The following TUSC3 variants were observed in gnomAD, a reference collection of about 807,000 sequenced individuals.
The protein encoded by TUSC3 is tumor suppressor candidate 3, also known as dolichyl-diphosphooligosaccharide--protein glycosyltransferase subunit TUSC3.
In TUSC3, 45 loss-of-function variants were observed where a neutral mutation model predicts 44.8. The observed-to-expected ratio is 1.00, with a 90% CI of 0.79 to 1.29. The LOEUF is 1.29. TUSC3 is among the 50% of genes most tolerant of loss of function. TUSC3 has a pLI of 0.00. For synonymous variants in TUSC3, 212 were observed against 152.9 expected (o/e 1.39, Z -2.85); for missense variants, 519 against 437.9 (o/e 1.19, Z -1.65).
At chr8:15,483,807 C>T (rs1481202330) in intron 2 of TUSC3, among the ~76,000 whole-genome samples, 2 of 151,830 alleles carry the variant, frequency 1.3e-5, no homozygotes, top group Non-Finnish European at 2.9e-5. Flanking sequence ...AGGCGCCAGC[C>T]ACAATGCCCG....
the TUSC3 span, among the ~76,000 whole-genome samples, chr8:15,826,053 T>G: frequency 6.6e-6 from 1 of 152,136 alleles, no homozygotes; most frequent in Non-Finnish European, 1.5e-5. Flanking sequence ...TTTTCCATGT[T>G]ACTTTGTATT....
At chr8:15,606,762 T>C (rs1178127720) in intron 1 of TUSC3, among the ~76,000 whole-genome samples, 1 of 152,084 alleles carries the variant, frequency 6.6e-6, no homozygotes, top group Non-Finnish European at 1.5e-5. Context: ...GATAAATTCC[T>C]AGAAATGGCA....
chr8:15,728,058 G>A lies in TUSC3; in HGVS notation c.799-2608G>A, dbSNP rs187805740. On this transcript the variant is annotated intron_variant, in intron 6 of 10. Coordinates refer to ENST00000503731, the MANE Select transcript of TUSC3 (RefSeq NM_006765.4). ...TGAAATAAGTCTCTAAGGACAAAGT[G>A]TGATTTATTTTAACCTGGCTGCATT... 2.1e-4 allele frequency among the ~76,000 whole-genome samples: 32 copies of A among 152,240 alleles called. No homozygotes were observed. The East Asian group carries it at 5.6e-3, about 27-fold the overall frequency.
At chr8:15,740,401 T>G (rs1172078680) in intron 7 of TUSC3, among the ~76,000 whole-genome samples, 1 of 151,744 alleles carries the variant, frequency 6.6e-6, no homozygotes, top group Non-Finnish European at 1.5e-5. Context: ...CAGAATAATT[T>G]AAAATACAAA....
the TUSC3 span, among the ~76,000 whole-genome samples, chr8:15,837,195 T>C: frequency 6.8e-6 from 1 of 146,808 alleles, no homozygotes; most frequent in African/African-American, 2.5e-5. Flanking sequence ...GATTTTTTTC[T>C]CACATTTGAA....
In TUSC3 at chr8:15,581,671, C is replaced by A. The variant is rs569795295; in HGVS notation, c.138+41103C>A. Among the ~76,000 whole-genome samples, 10 of 148,876 alleles carry A rather than the reference C, an allele frequency of 6.7e-5. No homozygotes were observed. In the South Asian group the frequency reaches 2.1e-3, roughly 32 times the overall value. On this transcript the variant is annotated intron_variant, in intron 1 of 10. Transcript: ENST00000503731. ...GGACCCACTTGAGGAGGCAGTCTGC[C>A]CGTTCTCAGATCTCCAGCTGCGTGC...
At chr8:15,774,785 ATG>A in the TUSC3 span, among the ~76,000 whole-genome samples, 1 of 152,162 alleles carries the variant, frequency 6.6e-6, no homozygotes, top group East Asian at 1.9e-4. Context: ...TATCACTCTG[ATG>A]TGTGACTTCA....
At chr8:15,729,420 C>G (rs750060108) in intron 6 of TUSC3, among the ~76,000 whole-genome samples, 1 of 152,010 alleles carries the variant, frequency 6.6e-6, no homozygotes, top group Admixed American at 6.6e-5. Flanking sequence ...TTTTCTAAGT[C>G]TCAGTTTCCT....
At chr8:15,461,850 A>G (rs1191538611) in intron 1 of TUSC3, among the ~76,000 whole-genome samples, 1 of 152,044 alleles carries the variant, frequency 6.6e-6, no homozygotes, top group Non-Finnish European at 1.5e-5. Flanking sequence ...AAACATTAAA[A>G]TAATATACAA....
At chr8:15,744,853 T>C (rs1811338605) in intron 8 of TUSC3, among the ~76,000 whole-genome samples, 1 of 152,098 alleles carries the variant, frequency 6.6e-6, no homozygotes, top group South Asian at 2.1e-4. Flanking sequence ...GTTTGTCCCA[T>C]GGGTATTTTG....
At chr8:15,720,535 A>G (rs1047955348) in intron 6 of TUSC3, among the ~76,000 whole-genome samples, 4 of 152,064 alleles carry the variant, frequency 2.6e-5, no homozygotes, top group East Asian at 1.9e-4. Context: ...CTGTTGTGCT[A>G]TATTTCACAT....
At chr8:15,771,515 A>T (rs2604370), downstream of TUSC3, among the ~76,000 whole-genome samples, 8 of 151,992 alleles carry the variant, frequency 5.3e-5, no homozygotes, top group Non-Finnish European at 1.2e-4. Flanking sequence ...TTTGGTTTGT[A>T]ACTTTGTTTC....
chr8:15,565,179 T>TG (rs71705909), intron 1 of TUSC3, among the ~76,000 whole-genome samples: 8 of 151,556 alleles, frequency 5.3e-5, no homozygotes, highest in Admixed American at 2.0e-4. Flanking sequence ...TTTTTTTTTT[T>TG]GTCTTTTGCA....
the TUSC3 span, among the ~76,000 whole-genome samples, chr8:15,813,762 G>C: frequency 8.6e-5 from 13 of 151,314 alleles, no homozygotes; most frequent in African/African-American, 3.2e-4. Flanking sequence ...ACCCTCATGT[G>C]AAAGAGGTTT....
At chr8:15,512,308 AG>A (rs1285444512) in intron 2 of TUSC3, among the ~76,000 whole-genome samples, 1 of 152,126 alleles carries the variant, frequency 6.6e-6, no homozygotes, top group Non-Finnish European at 1.5e-5. Flanking sequence ...ATTCCATTGA[AG>A]GTTTTAACAG....
At chr8:15,584,707 G>A (rs1023688425) in intron 1 of TUSC3, among the ~76,000 whole-genome samples, 2 of 152,008 alleles carry the variant, frequency 1.3e-5, no homozygotes, top group African/African-American at 4.8e-5. Context: ...ATGGGTGGGG[G>A]TGGTGAAGGA....
At chr8:15,841,673 C>T in the TUSC3 span, among the ~76,000 whole-genome samples, 1 of 152,050 alleles carries the variant, frequency 6.6e-6, no homozygotes, top group South Asian at 2.1e-4. Context: ...GCCCCCACAC[C>T]CAGCTAATAT....
chr8:15,424,630 C>G (rs28523338), intron 1 of TUSC3, among the ~76,000 whole-genome samples: 3 of 152,078 alleles, frequency 2.0e-5, no homozygotes, highest in African/African-American at 7.2e-5. Flanking sequence ...CCTGTAATCC[C>G]AGCACTCTGG....
intron 2 of TUSC3, among the ~76,000 whole-genome samples, chr8:15,515,317 A>G (rs1220322861): frequency 6.6e-6 from 1 of 152,150 alleles, no homozygotes; most frequent in Non-Finnish European, 1.5e-5. Context: ...AATACTACCA[A>G]AATTAAATAT....
Sources: allele counts gnomAD v4.1 joint callset (sites outside exome capture counted in the v4.1 genomes callset), GRCh38; gene constraint gnomAD v4.1.1; transcripts MANE v1.5; gene names NCBI Gene and HGNC (gene_info 2026-07-23, HGNC 2026-07-21).